The following QRICH2 variants were observed in gnomAD, a reference collection of about 807,000 sequenced individuals.
QRICH2 encodes glutamine-rich protein 2.
Under a neutral mutation model 168.3 loss-of-function variants are expected in QRICH2, and 119 were observed. The observed-to-expected ratio is 0.71, with a 90% CI of 0.61 to 0.82. The LOEUF (loss-of-function observed/expected upper bound fraction) is 0.82. QRICH2 is among the 40% of genes least tolerant of loss of function. The pLI, the probability that QRICH2 is intolerant of heterozygous loss-of-function variation, is 0.00. For missense variants in QRICH2, 2,241 were observed against 2,491.6 expected (o/e 0.90, Z 2.14); for synonymous variants, 894 against 951.2 (o/e 0.94, Z 1.11).
intron 18 of QRICH2, among the ~76,000 whole-genome samples, chr17:76,275,246 C>T (rs539886339): frequency 1.3e-5 from 2 of 152,108 alleles, no homozygotes; most frequent in African/African-American, 2.4e-5. Flanking sequence ...TGATGACAGA[C>T]GAGGAAACTG....
chr17:76,277,370 T>G, intron 15 of QRICH2, 60 bp from the exon 16 acceptor site: 4 of 1,573,992 alleles, frequency 2.5e-6, no homozygotes, highest in Non-Finnish European at 1.7e-6. Context: ...CACCTGGGAC[T>G]CACCCACCCA....
At chr17:76,304,795 T>C in intron 2 of QRICH2, 87 bp downstream of exon 2, 1 of 999,736 alleles carries the variant, frequency 1.0e-6, no homozygotes, top group Non-Finnish European at 1.6e-6. Flanking sequence ...CTGCCTGCCC[T>C]GGATGGACAA....
At chr17:76,302,521 C>T (rs891011597) in intron 3 of QRICH2, among the ~76,000 whole-genome samples, 4 of 152,094 alleles carry the variant, frequency 2.6e-5, no homozygotes, top group Admixed American at 2.6e-4. Flanking sequence ...GGGAGTATCC[C>T]GGATTATCCG....
Position 76,280,245 on chromosome 17 carries a change from C to A in QRICH2, c.4626+42G>T. 1 of 1,611,006 alleles carries A rather than the reference C, an allele frequency of 6.2e-7. No homozygotes were observed. Among genetic ancestry groups the A allele is most frequent in the Non-Finnish European group, 8.5e-7 (1 of 1,178,282 alleles). ...GGTGGTGCTGTCCCGATCCTGGGGG[C>A]AAGGCTGTGGGATGGAGAGCCCCGC... is the stretch of plus-strand genomic sequence containing the variant. On this transcript the variant is annotated intron_variant, in intron 11 of 18. Coordinates refer to ENST00000680821, the MANE Select transcript of QRICH2 (RefSeq NM_001388453.1). This position sits in a 1 kb window ranked among gnomAD's most constrained non-coding sequence, Gnocchi z 7.4.
At chr17:76,283,465 A>C (rs866067479) in intron 7 of QRICH2, among the ~76,000 whole-genome samples, 8 of 152,196 alleles carry the variant, frequency 5.3e-5, no homozygotes, top group Admixed American at 1.3e-4. Flanking sequence ...ATGAGCTTGG[A>C]CTGACAGGTG....
Position 76,293,454 on chromosome 17 carries a change from G to T in QRICH2, c.1273C>A (p.Pro425Thr). Residue 425 changes from proline to threonine, a missense_variant, in exon 4 of 19, where the codon CCT becomes ACT. Pro to Thr is a conservative substitution (Grantham distance 38). Coordinates refer to ENST00000680821, the MANE Select transcript of QRICH2 (RefSeq NM_001388453.1). ...LSMGQLGVPP[P>T]EMDDRELIPF... is the part of the protein sequence containing the mutation. ...ATCAATTCCCGATCATCCATTTCAG[G>T]TGGTGGCACACCAAGCTGACCCATG... The T allele has an allele frequency of 6.2e-7, 1 of 1,614,204 alleles. No individual in the cohort carries two copies. Among genetic ancestry groups the T allele is most frequent in the Non-Finnish European group, 8.5e-7 (1 of 1,180,048 alleles).
Position 76,293,623 on chromosome 17 carries a change from C to T in QRICH2, c.1104G>A (p.Leu368=), listed in dbSNP as rs759791574. Residue 368 remains leucine (L), a synonymous_variant, in exon 4 of 19, where the codon TTG becomes TTA. Transcript: ENST00000680821. ...GCACACTACTGGGCTGGTCTCTGGCCAAGGGTAAGTCCTGTTGAACTGGAC... is the reference window on the plus strand; with the variant it reads ...GCACACTACTGGGCTGGTCTCTGGCTAAGGGTAAGTCCTGTTGAACTGGAC... ...RPGPVQQDLP[L]ARDQPSSVPA... 5.0e-6 allele frequency: 8 copies of T among 1,614,066 alleles called. No homozygotes were observed. Among genetic ancestry groups the T allele is most frequent in the Non-Finnish European group, 5.9e-6 (7 of 1,180,020 alleles).
In QRICH2 at chr17:76,307,520, C is replaced by T; in HGVS notation, c.479G>A (p.Arg160Lys). The change falls in exon 1 of 19, where the codon AGG becomes AAG. Residue 160 changes from arginine (R) to lysine (K), a missense_variant. Around this residue, in one of 3 missense-constraint regions of QRICH2, gnomAD observed 2,047 missense variants for 2,303.8 expected, o/e 0.89. Coordinates refer to ENST00000680821, the MANE Select transcript of QRICH2 (RefSeq NM_001388453.1). The surrounding 1 kb of genome is among the most constrained non-coding windows in gnomAD (Gnocchi z 5.3). ...EQEVGVRAFD[R>K]VRTGSIMKDA... ...CTTCATGATACTCCCAGTCCGCACC[C>T]TATCGAACGCCCGCACGCCCACCTC... is the stretch of plus-strand genomic sequence containing the variant. 6.2e-7 allele frequency: 1 copy of T among 1,612,016 alleles called. No homozygotes were observed. The highest frequency in any genetic ancestry group is 8.5e-7 in the Non-Finnish European group (1 of 1,179,146).
At position 76,291,614 on chromosome 17, in the gene QRICH2, C is replaced by T. The variant is rs77546856; in HGVS notation, c.3113G>A (p.Arg1038Gln). The T allele has an allele frequency of 1.1e-5, 18 of 1,614,080 alleles. No individual in the cohort carries two copies. Among genetic ancestry groups the T allele is most frequent in the South Asian group, 9.9e-5 (9 of 91,084 alleles). The part of the protein sequence containing the change: ...SQGLASPGID[R>Q]RSLVPPETYQ... Reference sequence around the variant, plus strand: ...AGTTTCTGGTGGTACCAAACTCCTTCGATCTATACCAGGTGATGCCAAACC... The same window carrying T: ...AGTTTCTGGTGGTACCAAACTCCTTTGATCTATACCAGGTGATGCCAAACC... The change falls in exon 4 of 19, where the codon CGA becomes CAA. Residue 1038 changes from arginine to glutamine, a missense_variant. Physicochemically the swap from Arg to Gln is conservative, Grantham distance 43 (BLOSUM62 1). Transcript: ENST00000680821.
intron 15 of QRICH2, among the ~76,000 whole-genome samples, chr17:76,277,779 TACACAC>T (rs1041073720): frequency 6.6e-6 from 1 of 151,290 alleles, no homozygotes; most frequent in African/African-American, 2.4e-5. Flanking sequence ...CACACACCCT[TACACAC>T]ACTCATACAT....
intron 3 of QRICH2, among the ~76,000 whole-genome samples, chr17:76,301,228 C>A (rs966152635): frequency 6.6e-6 from 1 of 150,670 alleles, no homozygotes; most frequent in Non-Finnish European, 1.5e-5. Flanking sequence ...AATATTTTTT[C>A]TTTAACATGC....
chr17:76,276,895 G>T, intron 16 of QRICH2, 128 bp from the exon 17 acceptor site: 1 of 773,982 alleles, frequency 1.3e-6, no homozygotes, highest in South Asian at 1.8e-5. Context: ...GAGGCACTAG[G>T]GTGGAGCGAG....
At chr17:76,294,199 T>G (rs932754692) in intron 3 of QRICH2, among the ~76,000 whole-genome samples, 178 bp from the exon 4 acceptor site, 3 of 151,616 alleles carry the variant, frequency 2.0e-5, no homozygotes, top group African/African-American at 7.3e-5. Context: ...CCGAGGCGGG[T>G]GGATTACTTG....
At chr17:76,274,931 A>C (rs1004812201) in intron 18 of QRICH2, among the ~76,000 whole-genome samples, 1 of 152,116 alleles carries the variant, frequency 6.6e-6, no homozygotes, top group Admixed American at 6.5e-5. Flanking sequence ...TAAAGCTCCT[A>C]AACTACCTGG....
chr17:76,307,339 C>T lies in QRICH2; in HGVS notation c.534+126G>A. 1.0e-6 allele frequency: 1 copy of T among 978,036 alleles called. No homozygotes were observed. The highest frequency in any genetic ancestry group is 1.6e-6 in the Non-Finnish European group (1 of 642,128). The allele number at this position is 978,036 out of a possible 1,614,324, so 60.6% of individuals were successfully genotyped here. On this transcript the variant is annotated intron_variant, in intron 1 of 18. Coordinates refer to ENST00000680821, the MANE Select transcript of QRICH2 (RefSeq NM_001388453.1). This position sits in a 1 kb window ranked among gnomAD's most constrained non-coding sequence, Gnocchi z 5.3. ...CCAGTCGCACTGAGGTCTGGCACCT[C>T]CTCGGTCCCCATCCCCTCCGTCCCC...
intron 17 of QRICH2, 73 bp from the exon 18 acceptor site, chr17:76,276,020 G>A (rs2070672151): frequency 1.3e-6 from 2 of 1,561,412 alleles, no homozygotes; most frequent in Non-Finnish European, 1.7e-6. Context: ...CTGGGGGTGG[G>A]GAGAGGGCCG....
chr17:76,310,471 G>GTT (rs35037723), upstream of QRICH2: 40 of 145,844 alleles, frequency 2.7e-4, no homozygotes, highest in Middle Eastern at 3.5e-3. Context: ...TCCCTGGCCT[G>GTT]TTTTTTTTTT....
At chr17:76,278,979 C>A (rs1197477640) in intron 14 of QRICH2, 62 bp downstream of exon 14, 1 of 1,386,608 alleles carries the variant, frequency 7.2e-7, no homozygotes, top group East Asian at 2.4e-5. Context: ...CTGTCCCCTG[C>A]CTTCCCCATC....
At position 76,307,400 on chromosome 17, in the gene QRICH2, G is replaced by A. The variant is rs1037481613; in HGVS notation, c.534+65C>T. On this transcript the variant is annotated intron_variant, in intron 1 of 18. Coordinates refer to ENST00000680821, the MANE Select transcript of QRICH2 (RefSeq NM_001388453.1). The surrounding 1 kb of genome is among the most constrained non-coding windows in gnomAD (Gnocchi z 5.3). ...ACCCCTCCAGGGTGGTGGGGACTCGGCTAGGCCTGGAGGGCGGCCTGGAGG... is the reference window on the plus strand; with the variant it reads ...ACCCCTCCAGGGTGGTGGGGACTCGACTAGGCCTGGAGGGCGGCCTGGAGG... 3.8e-5 allele frequency: 59 copies of A among 1,570,862 alleles called. No homozygotes were observed. The highest frequency in any genetic ancestry group is 4.5e-5 in the Non-Finnish European group (51 of 1,143,624).
Sources: allele counts gnomAD v4.1 joint callset (sites outside exome capture counted in the v4.1 genomes callset), GRCh38; gene constraint gnomAD v4.1.1; regional missense constraint gnomAD v4.1.1; non-coding constraint Gnocchi (gnomAD v3.1); transcripts MANE v1.5; gene names NCBI Gene and HGNC (gene_info 2026-07-23, HGNC 2026-07-21).